The following SYT1 variants were observed in gnomAD, a reference collection of about 807,000 sequenced individuals.
SYT1 encodes synaptotagmin 1, also known as synaptotagmin-1.
SYT1 carries 8 observed loss-of-function variants against 44.8 expected under a neutral mutation model. That is an observed-to-expected ratio of 0.18 (90% CI 0.10 to 0.32). The LOEUF is 0.32. Among genes scored for constraint, SYT1 ranks in the 10% least tolerant of loss-of-function variants. The pLI is 1.00. For missense variants in SYT1, 286 were observed against 509.3 expected (o/e 0.56, Z 4.22); for synonymous variants, 154 against 188.8 (o/e 0.82, Z 1.51).
intron 3 of SYT1, among the ~76,000 whole-genome samples, chr12:79,065,609 A>G (rs1328214207): frequency 6.6e-6 from 1 of 152,212 alleles, no homozygotes; most frequent in Non-Finnish European, 1.5e-5. Flanking sequence ...AAATAAAAAA[A>G]TCTTGAGGAA....
In SYT1 at chr12:79,133,627, A is replaced by T. The variant is rs77121221; in HGVS notation, c.-17-83876A>T. ...ATGAGATGACAGACCTAAACTTGGG[A>T]GAAACCAACCAGAATGAAAAAGAGA... is the stretch of plus-strand genomic sequence containing the variant. On this transcript the variant is annotated intron_variant, in intron 3 of 10. Coordinates refer to ENST00000261205, the MANE Select transcript of SYT1 (RefSeq NM_005639.3). 2.1e-3 allele frequency among the ~76,000 whole-genome samples: 326 copies of T among 152,306 alleles called. 4 individuals carry two copies. Among genetic ancestry groups the T allele is most frequent in the East Asian group, 0.021 (108 of 5,182 alleles).
intron 2 of SYT1, among the ~76,000 whole-genome samples, chr12:79,024,651 G>A (rs966732032): frequency 4.0e-5 from 6 of 151,872 alleles, no homozygotes; most frequent in Non-Finnish European, 7.4e-5. Flanking sequence ...AAATGGGCAA[G>A]ACCCCTGCTC....
At chr12:79,294,174 T>C (rs1337512650) in intron 6 of SYT1, among the ~76,000 whole-genome samples, 1 of 152,090 alleles carries the variant, frequency 6.6e-6, no homozygotes, top group Non-Finnish European at 1.5e-5. Flanking sequence ...ATTAATACTA[T>C]AAGTATCATT....
chr12:79,394,672 G>T (rs1884801425), intron 9 of SYT1, among the ~76,000 whole-genome samples: 1 of 152,122 alleles, frequency 6.6e-6, no homozygotes, highest in Non-Finnish European at 1.5e-5. Flanking sequence ...TTATGTTAAA[G>T]AAAACTGTTT....
At chr12:79,385,242 C>T (rs1461976519) in intron 9 of SYT1, among the ~76,000 whole-genome samples, 1 of 151,808 alleles carries the variant, frequency 6.6e-6, no homozygotes, top group Non-Finnish European at 1.5e-5. Context: ...CAGCCTCGGC[C>T]TCCCAAAGTG....
At position 79,286,952 on chromosome 12, in the gene SYT1, C is replaced by T. The variant is rs374819121; in HGVS notation, c.351+981C>T. ...AAATATATAAGCAGTTTTATAAATT[C>T]CTCTTATACTATTAATTACTATTAA... On this transcript the variant is annotated intron_variant, in intron 5 of 10. Transcript: ENST00000261205. Among the ~76,000 whole-genome samples the T allele has an allele frequency of 4.6e-5, 7 of 151,994 alleles. 1 individual carries two copies. The highest frequency in any genetic ancestry group is 3.3e-4 in the Admixed American group (5 of 15,256).
intron 8 of SYT1, among the ~76,000 whole-genome samples, chr12:79,308,624 GAAAGAAAGAAAGA>G (rs1880588274): frequency 6.0e-5 from 2 of 33,196 alleles, no homozygotes; most frequent in Non-Finnish European, 1.2e-4. Context: ...AAGAAAGAAA[GAAAGAAAGAAAGA>G]AAGAAAGAAA....
chr12:79,304,244 G>A (rs186358625), intron 8 of SYT1, among the ~76,000 whole-genome samples: 2 of 152,280 alleles, frequency 1.3e-5, no homozygotes, highest in African/African-American at 4.8e-5. Flanking sequence ...TGAATGAATG[G>A]AGATGTTTAT....
At chr12:79,179,243 G>GATATAGATATAGAT (rs1872223876) in intron 3 of SYT1, among the ~76,000 whole-genome samples, 1 of 60,594 alleles carries the variant, frequency 1.7e-5, no homozygotes, top group Non-Finnish European at 2.4e-5. Context: ...TAGATATATA[G>GATATAGATATAGAT]ATATAGATAT....
In SYT1 at chr12:79,093,804, TTA is replaced by T. The variant is rs1401232604; in HGVS notation, c.-18+46444_-18+46445del. 6.6e-5 allele frequency among the ~76,000 whole-genome samples: 10 copies of T among 151,874 alleles called. No individual in the cohort carries two copies. In the East Asian group the frequency reaches 1.9e-3, roughly 29 times the overall value. On this transcript the variant is annotated intron_variant, in intron 3 of 10. Coordinates refer to ENST00000261205, the MANE Select transcript of SYT1 (RefSeq NM_005639.3). ...CTTCTACACTTACATACAGAATTTT[TTA>T]TCTTATTTCTAGTAGTTTTAATTAC...
At chr12:79,127,763 C>T (rs1469167066) in intron 3 of SYT1, among the ~76,000 whole-genome samples, 1 of 152,102 alleles carries the variant, frequency 6.6e-6, no homozygotes, top group Non-Finnish European at 1.5e-5. Flanking sequence ...CATAGGAGTC[C>T]TAGAAAACAA....
intron 9 of SYT1, among the ~76,000 whole-genome samples, chr12:79,389,929 C>CTT (rs533704755): frequency 6.9e-6 from 1 of 145,840 alleles, no homozygotes. Context: ...TCCAATAATT[C>CTT]TTTTTTTTTT....
At chr12:78,991,387 A>C (rs980484020) in intron 2 of SYT1, among the ~76,000 whole-genome samples, 1 of 152,092 alleles carries the variant, frequency 6.6e-6, no homozygotes, top group Non-Finnish European at 1.5e-5. Context: ...TTTTTCTTAG[A>C]AAATTTGTAA....
At chr12:78,866,466 A>G (rs184746874) in intron 1 of SYT1, among the ~76,000 whole-genome samples, 2 of 152,358 alleles carry the variant, frequency 1.3e-5, no homozygotes, top group African/African-American at 4.8e-5. Flanking sequence ...AGAAAAATAT[A>G]TCAAAACACC....
chr12:78,868,664 G>A (rs1163896493), intron 1 of SYT1: 1 of 151,778 alleles, frequency 6.6e-6, no homozygotes, highest in East Asian at 1.9e-4. Context: ...ATGGACAGTA[G>A]ACTATAATTT....
chr12:79,201,011 C>A (rs1873753235), intron 3 of SYT1, among the ~76,000 whole-genome samples: 1 of 152,172 alleles, frequency 6.6e-6, no homozygotes, highest in Admixed American at 6.5e-5. Context: ...GTCAGCCCAT[C>A]ATTTCATGGA....
At chr12:78,894,584 T>A (rs1875250828) in intron 1 of SYT1, among the ~76,000 whole-genome samples, 1 of 151,570 alleles carries the variant, frequency 6.6e-6, no homozygotes, top group Non-Finnish European at 1.5e-5. Context: ...ACAATGCATA[T>A]TAAGTGCTTA....
chr12:79,004,555 G>A (rs1418977463), intron 2 of SYT1, among the ~76,000 whole-genome samples: 2 of 151,818 alleles, frequency 1.3e-5, no homozygotes, highest in African/African-American at 2.4e-5. Context: ...GTTGGCTTAG[G>A]GCTAAAGATA....
intron 1 of SYT1, among the ~76,000 whole-genome samples, chr12:78,905,905 T>C (rs896210772): frequency 6.6e-6 from 1 of 152,084 alleles, no homozygotes; most frequent in Non-Finnish European, 1.5e-5. Context: ...AGGAAGTTTT[T>C]TCCCCCAAAG....
Sources: gnomAD v4.1 joint callset for allele counts (sites outside exome capture counted in the v4.1 genomes callset) on GRCh38, gnomAD v4.1.1 for gene constraint, MANE v1.5 for transcripts, NCBI Gene and HGNC (gene_info 2026-07-23, HGNC 2026-07-21) for gene names.